CDC5L: variants seen among roughly 807,000 people sequenced by gnomAD.
CDC5L encodes cell division cycle 5 like.
A neutral mutation model predicts 104.1 loss-of-function variants in CDC5L; 18 were observed. That is an observed-to-expected ratio of 0.17 (90% CI 0.12 to 0.26). CDC5L has a LOEUF of 0.26. Ranked by LOEUF, CDC5L falls within the 10% of genes least tolerant of loss-of-function variation. The pLI is 1.00. For missense variants in CDC5L, 673 were observed against 956.9 expected (o/e 0.70, Z 3.91); for synonymous variants, 331 against 322.7 (o/e 1.03, Z -0.28).
intron 5 of CDC5L, among the ~76,000 whole-genome samples, chr6:44,402,635 GA>G (rs914664474): frequency 2.0e-5 from 3 of 151,990 alleles, no homozygotes; most frequent in Non-Finnish European, 4.4e-5. Flanking sequence ...AAGATGCAAA[GA>G]AAAAAAGTAA....
intron 14 of CDC5L, among the ~76,000 whole-genome samples, chr6:44,431,329 G>A (rs1384824602): frequency 6.6e-6 from 1 of 152,132 alleles, no homozygotes; most frequent in Non-Finnish European, 1.5e-5. Flanking sequence ...GTTGCTCTGT[G>A]TTGTGGTTCA....
At chr6:44,394,532 A>G (rs1204639783) in intron 4 of CDC5L, among the ~76,000 whole-genome samples, 1 of 152,150 alleles carries the variant, frequency 6.6e-6, no homozygotes, top group Non-Finnish European at 1.5e-5. Context: ...TATGGAATCA[A>G]CCTAAGTGTC....
At chr6:44,404,152 A>T in intron 6 of CDC5L, 125 bp downstream of exon 6, 29 of 567,026 alleles carry the variant, frequency 5.1e-5, no homozygotes, top group South Asian at 1.1e-4. Flanking sequence ...TTTAAAATCA[A>T]TTTTTTTTTT....
intron 14 of CDC5L, among the ~76,000 whole-genome samples, chr6:44,436,413 T>A (rs2153383286): frequency 7.9e-6 from 1 of 126,122 alleles, no homozygotes; most frequent in East Asian, 4.2e-4. Context: ...TTAGCGTAAA[T>A]AGATTTTACA....
chr6:44,435,154 A>C (rs1030290334), intron 14 of CDC5L, among the ~76,000 whole-genome samples: 2 of 141,450 alleles, frequency 1.4e-5, no homozygotes, highest in African/African-American at 5.3e-5. Context: ...GTTTAAAACT[A>C]AACTGGGATC....
chr6:44,424,588 G>A lies in CDC5L; in HGVS notation c.1569+5G>A, dbSNP rs1246425076. On this transcript the variant is annotated splice_donor_5th_base_variant and intron_variant, in intron 11 of 15. Transcript: ENST00000371477. ...GATGTGGATGCTCGAAAGCAGGTGG[G>A]TAACTGTACTGAAAGAAGCGTGAGT... is the stretch of plus-strand genomic sequence containing the variant. The A allele has an allele frequency of 1.2e-6, 2 of 1,613,508 alleles. No homozygotes were observed. Among genetic ancestry groups the A allele is most frequent in the East Asian group, 2.2e-5 (1 of 44,840 alleles).
At chr6:44,397,053 AT>A (rs1790902195) in intron 5 of CDC5L, among the ~76,000 whole-genome samples, 1 of 152,206 alleles carries the variant, frequency 6.6e-6, no homozygotes, top group African/African-American at 2.4e-5. Flanking sequence ...AATAGGCAAG[AT>A]TGATTACATC....
chr6:44,413,843 C>T (rs1791776582), intron 8 of CDC5L, among the ~76,000 whole-genome samples: 1 of 152,164 alleles, frequency 6.6e-6, no homozygotes, highest in Non-Finnish European at 1.5e-5. Context: ...CCTCAGCCTC[C>T]CAAAACGCTG....
In CDC5L at chr6:44,397,178, CCAGCTAT is replaced by C. The variant is rs1790909206; in HGVS notation, c.539+742_539+748del. On this transcript the variant is annotated intron_variant, in intron 5 of 15. Transcript: ENST00000371477. ...CCTGCCGTGGTCTTTCTGGTGACTG[CCAGCTAT>C]CAGTCAACTCATTAACATGCAGAAA... Among the ~76,000 whole-genome samples, 3 of 152,204 alleles carry C rather than the reference CCAGCTAT, an allele frequency of 2.0e-5. No individual in the cohort carries two copies. In the South Asian group the frequency reaches 6.2e-4, roughly 31 times the overall value.
rs1792597217 is a variant in CDC5L at position 44,429,844 on chromosome 6, C to T, written c.2025C>T (p.Ser675=). 1.2e-6 allele frequency: 2 copies of T among 1,613,904 alleles called. No individual in the cohort carries two copies. ...AAGTTTTATATCTTCCTGGGCAGAG[C>T]CGCTACACACGGGCCAATCTGGCTA... ...YSQVLYLPGQ[S]RYTRANLASK... Residue 675 remains serine (S), a synonymous_variant, in exon 14 of 16, where the codon AGC becomes AGT. Coordinates refer to ENST00000371477, the MANE Select transcript of CDC5L (RefSeq NM_001253.4).
At position 44,419,425 on chromosome 6, in the gene CDC5L, CTTCT is replaced by C; in HGVS notation, c.1093-21_1093-18del. The C allele has an allele frequency of 3.7e-6, 6 of 1,611,828 alleles. No individual in the cohort carries two copies. Among genetic ancestry groups the C allele is most frequent in the Non-Finnish European group, 5.1e-6 (6 of 1,178,986 alleles). The stretch of plus-strand genomic sequence containing the variant: ...AAGTCTGTCTAAACTTTTAAACTTG[CTTCT>C]TTGTCTTCTTGTTAATCAGGAAGCC... On this transcript the variant is annotated intron_variant, in intron 8 of 15. Coordinates refer to ENST00000371477, the MANE Select transcript of CDC5L (RefSeq NM_001253.4).
chr6:44,433,821 T>C (rs1792798951), intron 14 of CDC5L, among the ~76,000 whole-genome samples: 1 of 152,222 alleles, frequency 6.6e-6, no homozygotes, highest in South Asian at 2.1e-4. Flanking sequence ...ACAGTAGATC[T>C]CATTTTCTCA....
intron 5 of CDC5L, among the ~76,000 whole-genome samples, chr6:44,400,634 G>T (rs1392255728): frequency 1.3e-5 from 2 of 152,192 alleles, no homozygotes; most frequent in African/African-American, 4.8e-5. Context: ...CACCTGCCTT[G>T]GCCTCCCAAA....
chr6:44,426,395 C>A, intron 12 of CDC5L, 87 bp from the exon 13 acceptor site: 1 of 873,268 alleles, frequency 1.1e-6, no homozygotes, highest in Non-Finnish European at 1.8e-6. Flanking sequence ...AAATGTAAAA[C>A]CGCTGTTTAA....
chr6:44,395,249 G>A (rs1245429125), intron 4 of CDC5L, among the ~76,000 whole-genome samples: 1 of 152,196 alleles, frequency 6.6e-6, no homozygotes, highest in Admixed American at 6.5e-5. Context: ...ATATTTCAAA[G>A]TAGCTGGAAG....
At chr6:44,432,691 G>A (rs182046630) in intron 14 of CDC5L, among the ~76,000 whole-genome samples, 31 of 152,314 alleles carry the variant, frequency 2.0e-4, no homozygotes, top group Admixed American at 1.7e-3. Context: ...ATGTGTGTGT[G>A]CAAGGAGTTT....
chr6:44,438,291 A>G (rs534580616), intron 14 of CDC5L, among the ~76,000 whole-genome samples: 3 of 152,318 alleles, frequency 2.0e-5, no homozygotes, highest in African/African-American at 7.2e-5. Flanking sequence ...ATGTAACTTG[A>G]TGGATTTAGT....
intron 2 of CDC5L, among the ~76,000 whole-genome samples, 182 bp from the exon 3 acceptor site, chr6:44,392,485 A>G (rs1479315790): frequency 6.6e-6 from 1 of 152,242 alleles, no homozygotes; most frequent in East Asian, 1.9e-4. Flanking sequence ...AAAATAAAAT[A>G]GAATGTGATG....
At chr6:44,434,865 C>G (rs1239899503) in intron 14 of CDC5L, among the ~76,000 whole-genome samples, 6 of 152,156 alleles carry the variant, frequency 3.9e-5, no homozygotes, top group African/African-American at 1.4e-4. Context: ...TCCACTGATT[C>G]ATCTCCTGGG....
Sources: gnomAD v4.1 joint callset for allele counts (sites outside exome capture counted in the v4.1 genomes callset) on GRCh38, gnomAD v4.1.1 for gene constraint, MANE v1.5 for transcripts, NCBI Gene and HGNC (gene_info 2026-07-23, HGNC 2026-07-21) for gene names.